PMS2: variants seen among roughly 807,000 people sequenced by gnomAD.
PMS2 encodes mismatch repair endonuclease PMS2.
In PMS2, 69 loss-of-function variants were observed where a neutral mutation model predicts 90.0. The ratio of observed to expected loss-of-function variants is 0.77; its 90% confidence interval spans 0.63 to 0.94. The LOEUF (loss-of-function observed/expected upper bound fraction) is 0.94, where lower values mean the gene tolerates loss of function less well. PMS2 is among the 40% of genes least tolerant of loss of function. The pLI, the probability that PMS2 is intolerant of heterozygous loss-of-function variation, is 0.00. For missense variants in PMS2, 966 were observed against 1,040.2 expected (o/e 0.93, Z 0.98); for synonymous variants, 332 against 375.1 (o/e 0.89, Z 1.33).
rs144233131 is a variant in PMS2 at position 5,999,252 on chromosome 7, G to C, written c.561C>G (p.Val187=). ...CTGAAATGATACAGTATGCATGTAA[G>C]ACCTGGACCATTTTGGCATACTCCT... The part of the protein sequence containing the change: ...IKKEYAKMVQ[V]LHAYCIISAG... The change falls in exon 6 of 15, where the codon GTC becomes GTG. Residue 187 remains valine, a synonymous_variant. Coordinates refer to ENST00000265849, the MANE Select transcript of PMS2 (RefSeq NM_000535.7). 1 of 1,613,966 alleles carries C rather than the reference G, an allele frequency of 6.2e-7. No homozygotes were observed. Among genetic ancestry groups the C allele is most frequent in the Non-Finnish European group, 8.5e-7 (1 of 1,179,936 alleles).
At position 5,999,258 on chromosome 7, in the gene PMS2, G is replaced by A. The variant is rs759078497; in HGVS notation, c.555C>T (p.Val185=). The A allele has an allele frequency of 3.1e-6, 5 of 1,613,858 alleles. No individual in the cohort carries two copies. The highest frequency in any genetic ancestry group is 4.2e-6 in the Non-Finnish European group (5 of 1,179,892). ...RNIKKEYAKM[V]QVLHAYCIIS... ...TGATACAGTATGCATGTAAGACCTG[G>A]ACCATTTTGGCATACTCCTGTTTAA... The change falls in exon 6 of 15, where the codon GTC becomes GTT. Residue 185 remains valine, a synonymous_variant. Transcript: ENST00000265849.
At position 6,002,370 on chromosome 7, in the gene PMS2, A is replaced by C. The variant is rs187654916; in HGVS notation, c.537+83T>G. 2.5e-5 allele frequency: 22 copies of C among 886,254 alleles called. No individual in the cohort carries two copies. In the African/African-American group the frequency reaches 3.1e-4, roughly 13 times the overall value. 54.9% of individuals were successfully genotyped at this position (886,254 alleles called of 1,614,324 possible). On this transcript the variant is annotated intron_variant, in intron 5 of 14. Coordinates refer to ENST00000265849, the MANE Select transcript of PMS2 (RefSeq NM_000535.7). The stretch of plus-strand genomic sequence containing the variant: ...TCAATAATTTATGGGAAGAGAATCA[A>C]CTGAAGAATAAACATCTTTAGTAAA...
rs764749700 is a variant in PMS2, at chr7:5,987,079, A to C, written c.1686T>G (p.Phe562Leu). ...GATTAGTTGGCTGAGGCAAAACTCGAAATTTACATCCGGTATCTTCCTGGT... is the reference window on the plus strand; with the variant it reads ...GATTAGTTGGCTGAGGCAAAACTCGCAATTTACATCCGGTATCTTCCTGGT... ...HSNQEDTGCK[F>L]RVLPQPTNLA... The change falls in exon 11 of 15, where the codon TTT becomes TTG. Residue 562 changes from phenylalanine to leucine, a missense_variant. By Grantham distance (22) the Phe-to-Leu change is conservative. Transcript: ENST00000265849. 13 of 1,614,042 alleles carry C rather than the reference A, an allele frequency of 8.1e-6. No individual in the cohort carries two copies. Among genetic ancestry groups the C allele is most frequent in the Non-Finnish European group, 1.1e-5 (13 of 1,180,048 alleles).
intron 11 of PMS2, among the ~76,000 whole-genome samples, chr7:5,984,977 A>C (rs1213910341): frequency 6.6e-6 from 1 of 151,884 alleles, no homozygotes; most frequent in Non-Finnish European, 1.5e-5. Context: ...ACAGAGCTCA[A>C]ATCCAAGTCA....
chr7:5,988,316 C>T (rs111495034), intron 10 of PMS2, among the ~76,000 whole-genome samples: 9 of 152,160 alleles, frequency 5.9e-5, no homozygotes, highest in African/African-American at 1.4e-4. Flanking sequence ...CAGTGGCTCA[C>T]GCCTGTAATC....
chr7:6,006,385 C>T (rs921181229), intron 1 of PMS2, among the ~76,000 whole-genome samples: 2 of 152,174 alleles, frequency 1.3e-5, no homozygotes, highest in Non-Finnish European at 2.9e-5. Flanking sequence ...GCTGTGGTGG[C>T]TCATGCCTGT....
chr7:5,981,528 G>A (rs1782281147), intron 12 of PMS2, among the ~76,000 whole-genome samples: 1 of 149,656 alleles, frequency 6.7e-6, no homozygotes, highest in African/African-American at 2.5e-5. Context: ...TTACAGGCGT[G>A]TGCCCCTGCA....
intron 6 of PMS2, among the ~76,000 whole-genome samples, chr7:5,998,444 G>A (rs918656949): frequency 4.7e-5 from 7 of 150,102 alleles, no homozygotes; most frequent in African/African-American, 1.7e-4. Flanking sequence ...TGTAATCCCA[G>A]CACTTTGGGA....
At chr7:6,007,656 C>T (rs1785975303) in intron 1 of PMS2, among the ~76,000 whole-genome samples, 1 of 152,156 alleles carries the variant, frequency 6.6e-6, no homozygotes, top group African/African-American at 2.4e-5. Flanking sequence ...GTATTTCCTA[C>T]AGCATTTAAC....
At chr7:6,001,676 A>G (rs1390369855) in intron 5 of PMS2, among the ~76,000 whole-genome samples, 2 of 151,768 alleles carry the variant, frequency 1.3e-5, no homozygotes, top group Non-Finnish European at 2.9e-5. Context: ...GCCGAGAAAT[A>G]TTCTTATTAA....
chr7:5,995,456 T>C, intron 8 of PMS2, 78 bp downstream of exon 8: 1 of 858,930 alleles, frequency 1.2e-6, no homozygotes, highest in Non-Finnish European at 2.0e-6. Context: ...CCACGTAAAC[T>C]GCCTATTATC....
chr7:5,995,785 C>T (rs1270732679), intron 7 of PMS2, 152 bp from the exon 8 acceptor site: 6 of 683,456 alleles, frequency 8.8e-6, no homozygotes, highest in South Asian at 8.0e-5. Context: ...ATCTGTGCTC[C>T]AAATCTTGAT....
chr7:5,979,108 T>A (rs1183843770), intron 12 of PMS2, among the ~76,000 whole-genome samples: 1 of 144,966 alleles, frequency 6.9e-6, no homozygotes, highest in Non-Finnish European at 1.5e-5. Context: ...AGGCATGAGA[T>A]TCGTTTGAAC....
chr7:5,987,379 G>C lies in PMS2; in HGVS notation c.1386C>G (p.Ile462Met), dbSNP rs750448069. 6.2e-7 allele frequency: 1 copy of C among 1,614,068 alleles called. No individual in the cohort carries two copies. The highest frequency in any genetic ancestry group is 8.5e-7 in the Non-Finnish European group (1 of 1,180,048). The change falls in exon 11 of 15, where the codon ATC becomes ATG. Residue 462 changes from isoleucine to methionine, a missense_variant. This residue lies in a region of PMS2 where 871 missense variants were observed against 802.4 expected (regional missense o/e 1.09). Transcript: ENST00000265849. ...GMLSSSTSGA[I>M]SDKGVLRPQK... ...GAGGTCTCAGGACGCCTTTGTCAGA[G>C]ATGGCACCTGAAGTGCTAGAAGACA... is the stretch of plus-strand genomic sequence containing the variant.
chr7:5,991,284 G>A (rs1456575679), intron 9 of PMS2, among the ~76,000 whole-genome samples: 1 of 151,850 alleles, frequency 6.6e-6, no homozygotes, highest in African/African-American at 2.4e-5. Context: ...AGGGGAGAGA[G>A]AGAGAAAGAG....
chr7:5,995,483 T>G (rs1282214634), intron 8 of PMS2, 51 bp downstream of exon 8: 1 of 1,158,170 alleles, frequency 8.6e-7, no homozygotes, highest in Non-Finnish European at 1.3e-6. Flanking sequence ...AAGTTATCAA[T>G]TAAAAGTCAA....
At position 5,983,235 on chromosome 7, in the gene PMS2, C is replaced by T. The variant is rs553919711; in HGVS notation, c.2007-244G>A. 3.2e-3 allele frequency among the ~76,000 whole-genome samples: 492 copies of T among 151,560 alleles called. 4 individuals carry two copies. The highest frequency in any genetic ancestry group is 4.8e-3 in the Non-Finnish European group (329 of 67,932). ...TCGAGTGATTCTTCTGCCTCAGCCT[C>T]CTGAGTAGCTGGGATTACAGGTGCG... On this transcript the variant is annotated intron_variant, in intron 11 of 14. Transcript: ENST00000265849.
chr7:5,983,135 C>T (rs566298759), intron 11 of PMS2, 144 bp from the exon 12 acceptor site: 29 of 1,301,500 alleles, frequency 2.2e-5, no homozygotes, highest in Non-Finnish European at 2.8e-5. Context: ...TTTTTTGAAA[C>T]AGAGTCTCGT....
intron 13 of PMS2, among the ~76,000 whole-genome samples, chr7:5,978,068 C>T (rs1425138843): frequency 1.3e-5 from 2 of 149,672 alleles, no homozygotes; most frequent in East Asian, 2.0e-4. Context: ...TGCAGTGAGC[C>T]GAGATCGGCA....
Sources: allele counts gnomAD v4.1 joint callset (sites outside exome capture counted in the v4.1 genomes callset), GRCh38; gene constraint gnomAD v4.1.1; regional missense constraint gnomAD v4.1.1; transcripts MANE v1.5; gene names NCBI Gene and HGNC (gene_info 2026-07-23, HGNC 2026-07-21).